PKIG: variants seen among roughly 807,000 people sequenced by gnomAD.
PKIG encodes the protein protein kinase (cAMP-dependent, catalytic) inhibitor gamma.
A neutral mutation model predicts 6.8 loss-of-function variants in PKIG; 1 was observed. The ratio of observed to expected loss-of-function variants is 0.15; its 90% CI spans 0.05 to 0.69. The LOEUF is 0.69. PKIG is among the 30% of genes least tolerant of loss of function. PKIG has a pLI of 0.82. For missense variants in PKIG, 77 were observed against 104.0 expected (o/e 0.74, Z 1.13); for synonymous variants, 39 against 43.0 (o/e 0.91, Z 0.36).
chr20:44,576,871 A>G (rs2064903031), intron 1 of PKIG, among the ~76,000 whole-genome samples: 1 of 152,104 alleles, frequency 6.6e-6, no homozygotes. Context: ...CTAGCCACAT[A>G]ATCACTGGGG....
At chr20:44,557,185 A>G (rs2064720173) in intron 1 of PKIG, among the ~76,000 whole-genome samples, 1 of 152,164 alleles carries the variant, frequency 6.6e-6, no homozygotes. Context: ...TTTCCTGAAC[A>G]GTAAATGTTT....
At chr20:44,587,004 G>C (rs2064995284) in intron 1 of PKIG, among the ~76,000 whole-genome samples, 1 of 152,150 alleles carries the variant, frequency 6.6e-6, no homozygotes, top group African/African-American at 2.4e-5. Flanking sequence ...AAAGTATTTG[G>C]TGTATTCTTA....
chr20:44,599,914 C>T (rs1215327911), intron 2 of PKIG, among the ~76,000 whole-genome samples: 5 of 152,130 alleles, frequency 3.3e-5, no homozygotes, highest in Admixed American at 6.5e-5. Flanking sequence ...GCATCCACCA[C>T]ACCACATTAC....
At chr20:44,575,400 G>A (rs1208192964) in intron 1 of PKIG, among the ~76,000 whole-genome samples, 1 of 152,160 alleles carries the variant, frequency 6.6e-6, no homozygotes, top group African/African-American at 2.4e-5. Flanking sequence ...TGTATTTTTA[G>A]TAGAGATGGG....
At chr20:44,552,131 C>T (rs933821820) in intron 1 of PKIG, among the ~76,000 whole-genome samples, 1 of 152,190 alleles carries the variant, frequency 6.6e-6, no homozygotes, top group Non-Finnish European at 1.5e-5. Context: ...ACTGTTACTA[C>T]CCCTGACATA....
At chr20:44,545,733 T>G (rs1271304673) in intron 1 of PKIG, among the ~76,000 whole-genome samples, 1 of 152,104 alleles carries the variant, frequency 6.6e-6, no homozygotes, top group Non-Finnish European at 1.5e-5. Flanking sequence ...GAGGATCACT[T>G]AAGCCCAGGA....
intron 1 of PKIG, chr20:44,532,016 C>T (rs1242253967): frequency 6.6e-6 from 1 of 152,216 alleles, no homozygotes; most frequent in Non-Finnish European, 1.5e-5. Context: ...GGCCCCAACG[C>T]TCCGGGCCTG....
At chr20:44,557,811 A>G (rs569193762) in intron 1 of PKIG, among the ~76,000 whole-genome samples, 1 of 152,074 alleles carries the variant, frequency 6.6e-6, no homozygotes, top group Non-Finnish European at 1.5e-5. Flanking sequence ...GTGGCAGAGC[A>G]AGACTCCATC....
chr20:44,539,148 C>G (rs957062638), intron 1 of PKIG, among the ~76,000 whole-genome samples: 3 of 152,088 alleles, frequency 2.0e-5, no homozygotes, highest in Admixed American at 1.3e-4. Flanking sequence ...GGGCTGGTCT[C>G]GAACTCCTGA....
chr20:44,551,984 A>G (rs2064672927), intron 1 of PKIG, among the ~76,000 whole-genome samples: 2 of 152,242 alleles, frequency 1.3e-5, no homozygotes, highest in South Asian at 4.1e-4. Context: ...GGAATCGGCT[A>G]GGAAATATTC....
chr20:44,564,572 G>A (rs905475704), intron 1 of PKIG, among the ~76,000 whole-genome samples: 2 of 151,954 alleles, frequency 1.3e-5, no homozygotes, highest in East Asian at 1.9e-4. Context: ...TCTAGCCGTT[G>A]TTATTATTAT....
chr20:44,576,460 A>C (rs957148246), intron 1 of PKIG, among the ~76,000 whole-genome samples: 3 of 152,134 alleles, frequency 2.0e-5, no homozygotes, highest in Admixed American at 6.5e-5. Context: ...ATTTAATCTG[A>C]AATCTGATGG....
At chr20:44,615,613 T>C (rs1358755434) in intron 3 of PKIG, among the ~76,000 whole-genome samples, 1 of 151,976 alleles carries the variant, frequency 6.6e-6, no homozygotes, top group Non-Finnish European at 1.5e-5. Context: ...GCTGAGGCCT[T>C]TCCCTCCTGC....
intron 1 of PKIG, among the ~76,000 whole-genome samples, chr20:44,564,029 C>T (rs1432562999): frequency 6.6e-6 from 1 of 152,080 alleles, no homozygotes; most frequent in African/African-American, 2.4e-5. Context: ...TATCATAGTA[C>T]TTGGAAATAC....
chr20:44,540,039 C>T (rs1238182016), intron 1 of PKIG, among the ~76,000 whole-genome samples: 2 of 152,020 alleles, frequency 1.3e-5, no homozygotes, highest in African/African-American at 4.8e-5. Flanking sequence ...TGGCTCACTG[C>T]AACGTCCACC....
chr20:44,614,721 G>A lies in PKIG; in HGVS notation c.151+14G>A, dbSNP rs764218109. On this transcript the variant is annotated intron_variant, in intron 3 of 3. Coordinates refer to ENST00000372886, the MANE Select transcript of PKIG (RefSeq NM_001281445.2). This position sits in a 1 kb window ranked among gnomAD's most constrained non-coding sequence, Gnocchi z 4.6. ...TCGAGGGGGCAGGTTAGAGCCAGCA[G>A]GTCCTTGGCACTACTGCATGCCAGA... The A allele has an allele frequency of 6.2e-7, 1 of 1,613,144 alleles. No individual in the cohort carries two copies.
chr20:44,585,373 A>C (rs925470427), intron 1 of PKIG, among the ~76,000 whole-genome samples: 2 of 152,192 alleles, frequency 1.3e-5, no homozygotes, highest in Non-Finnish European at 2.9e-5. Context: ...ATGTGTCCAG[A>C]GATCTCATTT....
At chr20:44,570,147 A>G (rs1314411420) in intron 1 of PKIG, among the ~76,000 whole-genome samples, 2 of 152,200 alleles carry the variant, frequency 1.3e-5, no homozygotes, top group East Asian at 3.8e-4. Flanking sequence ...ATCAATAAAT[A>G]TATCAGTAAC....
At chr20:44,569,684 G>C (rs1032945538) in intron 1 of PKIG, among the ~76,000 whole-genome samples, 1 of 152,022 alleles carries the variant, frequency 6.6e-6, no homozygotes, top group Non-Finnish European at 1.5e-5. Flanking sequence ...TCGGCTCACT[G>C]CAACCTCGGC....
Sources: gnomAD v4.1 joint callset for allele counts (sites outside exome capture counted in the v4.1 genomes callset) on GRCh38, gnomAD v4.1.1 for gene constraint, Gnocchi (gnomAD v3.1) non-coding constraint, MANE v1.5 for transcripts, NCBI Gene and HGNC (gene_info 2026-07-23, HGNC 2026-07-21) for gene names.